The following L3MBTL3 variants were observed in gnomAD, a reference collection of about 807,000 sequenced individuals.
L3MBTL3 encodes the protein lethal(3)malignant brain tumor-like protein 3.
L3MBTL3 carries 27 observed loss-of-function variants against 102.3 expected under a neutral mutation model. The observed-to-expected ratio is 0.26, with a 90% CI of 0.19 to 0.36. L3MBTL3 has a LOEUF of 0.36. Ranked by LOEUF, L3MBTL3 falls within the 10% of genes least tolerant of loss-of-function variation. The pLI is 1.00. For missense variants in L3MBTL3, 798 were observed against 955.3 expected (o/e 0.84, Z 2.17); for synonymous variants, 340 against 320.9 (o/e 1.06, Z -0.64).
chr6:130,135,619 T>G (rs1787564374), intron 22 of L3MBTL3, among the ~76,000 whole-genome samples: 1 of 152,224 alleles, frequency 6.6e-6, no homozygotes, highest in Admixed American at 6.5e-5. Flanking sequence ...TTGAGTAATT[T>G]TTTTTATTCA....
At chr6:130,086,291 T>C (rs1357399762) in intron 16 of L3MBTL3, 41 bp downstream of exon 16, 3 of 1,337,978 alleles carry the variant, frequency 2.2e-6, no homozygotes, top group Non-Finnish European at 3.2e-6. Context: ...TCTTTTGTTA[T>C]AAGATGTTTT....
intron 14 of L3MBTL3, among the ~76,000 whole-genome samples, chr6:130,083,330 T>A (rs1783484401): frequency 1.3e-5 from 2 of 152,044 alleles, no homozygotes; most frequent in South Asian, 4.1e-4. Context: ...GATTCTCCAA[T>A]ACAAAATTGC....
At chr6:130,042,150 A>G (rs1247977396) in intron 2 of L3MBTL3, among the ~76,000 whole-genome samples, 4 of 152,220 alleles carry the variant, frequency 2.6e-5, no homozygotes, top group African/African-American at 9.6e-5. Context: ...TTTGTTTTCC[A>G]ATTTTTTTAA....
intron 2 of L3MBTL3, among the ~76,000 whole-genome samples, chr6:130,030,111 G>C (rs902418804): frequency 2.0e-5 from 3 of 151,916 alleles, no homozygotes; most frequent in Non-Finnish European, 2.9e-5. Context: ...CACCTGCCTC[G>C]GTCTCCCAAA....
At chr6:130,018,690 T>A (rs559342307) in intron 1 of L3MBTL3, 26 bp downstream of exon 1, 4 of 152,626 alleles carry the variant, frequency 2.6e-5, no homozygotes, top group Non-Finnish European at 5.9e-5. Flanking sequence ...TCGGATCTAA[T>A]CTCTAATTAA....
chr6:130,122,500 T>G (rs985046677), intron 20 of L3MBTL3, among the ~76,000 whole-genome samples: 5 of 152,230 alleles, frequency 3.3e-5, no homozygotes, highest in Non-Finnish European at 5.9e-5. Flanking sequence ...TCCAGGAGGA[T>G]GATGATAGTA....
intron 12 of L3MBTL3, among the ~76,000 whole-genome samples, 184 bp downstream of exon 12, chr6:130,068,605 C>T (rs1474431170): frequency 1.3e-5 from 2 of 151,936 alleles, no homozygotes; most frequent in Admixed American, 6.6e-5. Flanking sequence ...GTTTTATAGC[C>T]ATATTATGGT....
At chr6:130,037,968 C>A (rs1399411051) in intron 2 of L3MBTL3, among the ~76,000 whole-genome samples, 1 of 151,540 alleles carries the variant, frequency 6.6e-6, no homozygotes, top group Non-Finnish European at 1.5e-5. Context: ...AACCACTGTT[C>A]TATTTTCTGC....
chr6:130,109,149 T>C (rs774710091), intron 19 of L3MBTL3, among the ~76,000 whole-genome samples: 17 of 152,228 alleles, frequency 1.1e-4, no homozygotes, highest in Non-Finnish European at 1.8e-4. Context: ...CTATTGTAAA[T>C]AGTGCTGCAG....
At chr6:130,127,313 A>T (rs79337938) in intron 20 of L3MBTL3, among the ~76,000 whole-genome samples, 3,295 of 152,262 alleles carry the variant, frequency 0.022, 115 homozygotes, top group African/African-American at 0.075. Flanking sequence ...AAAGAAGGGA[A>T]CAGAGAGACC....
intron 14 of L3MBTL3, among the ~76,000 whole-genome samples, chr6:130,080,939 C>T (rs374611251): frequency 6.6e-6 from 1 of 152,148 alleles, no homozygotes; most frequent in African/African-American, 2.4e-5. Context: ...AGGGCAGATT[C>T]CTGGGTCATC....
At chr6:130,102,367 C>CT in intron 18 of L3MBTL3, among the ~76,000 whole-genome samples, 1 of 152,146 alleles carries the variant, frequency 6.6e-6, no homozygotes, top group Non-Finnish European at 1.5e-5. Flanking sequence ...AATCCTCTCT[C>CT]CAAAAAGAGA....
intron 20 of L3MBTL3, among the ~76,000 whole-genome samples, chr6:130,121,933 C>G (rs772670396): frequency 1.3e-5 from 2 of 152,174 alleles, no homozygotes; most frequent in South Asian, 4.1e-4. Flanking sequence ...GTAGTCCCAG[C>G]TACTCGGGAG....
chr6:130,063,578 G>A (rs1046585239), intron 10 of L3MBTL3, among the ~76,000 whole-genome samples: 3 of 152,174 alleles, frequency 2.0e-5, no homozygotes, highest in Admixed American at 6.5e-5. Flanking sequence ...ACTGATCAGT[G>A]TGTAACCTTG....
At position 130,086,264 on chromosome 6, in the gene L3MBTL3, G is replaced by GT. The variant is rs771575890; in HGVS notation, c.1518+15dup. ...CACCGGGTAAAAGTAAGTGTTCTGT[G>GT]TGGGGGGTTGGCTTTGTCTTTTGTT... is the stretch of plus-strand genomic sequence containing the variant. On this transcript the variant is annotated intron_variant, in intron 16 of 22. Transcript: ENST00000361794. 6 of 1,519,024 alleles carry GT rather than the reference G, an allele frequency of 3.9e-6. No homozygotes were observed. The highest frequency in any genetic ancestry group is 1.9e-5 in the Admixed American group (1 of 53,154). The allele number at this position is 1,519,024 out of a possible 1,614,324, so 94.1% of individuals were successfully genotyped here. A position where few individuals can be genotyped will look rare whatever the true frequency, so the allele number is the denominator to read the frequency against.
Position 130,133,803 on chromosome 6 carries a change from T to G in L3MBTL3, c.2137-40T>G, listed in dbSNP as rs1368158539. On this transcript the variant is annotated intron_variant, in intron 21 of 22. Coordinates refer to ENST00000361794, the MANE Select transcript of L3MBTL3 (RefSeq NM_032438.4). This position sits in a 1 kb window ranked among gnomAD's most constrained non-coding sequence, Gnocchi z 4.9. ...GAACCTGTAGCATTTAGATTCTGAC[T>G]GTGTTTTTTAACTGGGAATTTTGAT... 11 of 1,556,234 alleles carry G rather than the reference T, an allele frequency of 7.1e-6. No homozygotes were observed. The highest frequency in any genetic ancestry group is 9.8e-6 in the Non-Finnish European group (11 of 1,127,696).
chr6:130,030,236 A>AT (rs1779624923), intron 2 of L3MBTL3, among the ~76,000 whole-genome samples: 1 of 151,990 alleles, frequency 6.6e-6, no homozygotes, highest in Non-Finnish European at 1.5e-5. Context: ...AGTGTACATA[A>AT]TTTTTTTTAA....
intron 14 of L3MBTL3, among the ~76,000 whole-genome samples, chr6:130,078,925 A>G (rs1400318909): frequency 6.6e-6 from 1 of 152,204 alleles, no homozygotes; most frequent in Non-Finnish European, 1.5e-5. Context: ...CTTAGTTCAT[A>G]ACAGAGTCTC....
At chr6:130,108,220 G>GTTTT (rs376419261) in intron 19 of L3MBTL3, among the ~76,000 whole-genome samples, 4,765 of 118,286 alleles carry the variant, frequency 0.04, 751 homozygotes, top group Non-Finnish European at 0.064. Context: ...ATGTTAGGTG[G>GTTTT]TTTTTTTTTT....
Sources: gnomAD v4.1 joint callset for allele counts (sites outside exome capture counted in the v4.1 genomes callset) on GRCh38, gnomAD v4.1.1 for gene constraint, Gnocchi (gnomAD v3.1) non-coding constraint, MANE v1.5 for transcripts, NCBI Gene and HGNC (gene_info 2026-07-23, HGNC 2026-07-21) for gene names.